The following LRP1B variants were observed in gnomAD, a reference collection of about 807,000 sequenced individuals.
LRP1B encodes the protein low-density lipoprotein receptor-related protein 1B.
A neutral mutation model predicts 556.6 loss-of-function variants in LRP1B; 217 were observed. The observed-to-expected ratio is 0.39, with a 90% CI of 0.35 to 0.44. LRP1B has a LOEUF of 0.44. Ranked by LOEUF, LRP1B falls within the 20% of genes least tolerant of loss-of-function variation. LRP1B has a pLI of 1.00. For missense variants in LRP1B, 5,053 were observed against 5,620.8 expected (o/e 0.90, Z 3.23); for synonymous variants, 2,047 against 1,865.8 (o/e 1.10, Z -2.50).
At chr2:141,145,510 T>A (rs1234405097) in intron 7 of LRP1B, among the ~76,000 whole-genome samples, 1 of 151,406 alleles carries the variant, frequency 6.6e-6, no homozygotes. Context: ...AATACTGTTT[T>A]TCTAAGTTTT....
intron 88 of LRP1B, 123 bp from the exon 89 acceptor site, chr2:140,238,419 A>AT: frequency 1.9e-6 from 1 of 537,034 alleles, no homozygotes; most frequent in Non-Finnish European, 3.1e-6. Flanking sequence ...ACATTTGTCA[A>AT]GTAACAGAGG....
At chr2:140,399,341 A>AT (rs1356284731) in intron 66 of LRP1B, among the ~76,000 whole-genome samples, 1 of 152,038 alleles carries the variant, frequency 6.6e-6, no homozygotes, top group Non-Finnish European at 1.5e-5. Flanking sequence ...ATCTGGCATC[A>AT]TTTTTTCTCT....
chr2:141,685,863 T>A (rs1691275667), intron 2 of LRP1B, among the ~76,000 whole-genome samples: 1 of 151,970 alleles, frequency 6.6e-6, no homozygotes. Flanking sequence ...GTCCATAAAT[T>A]CCTTAGAGAT....
intron 1 of LRP1B, among the ~76,000 whole-genome samples, chr2:142,073,844 G>A (rs1705406328): frequency 6.6e-6 from 1 of 151,800 alleles, no homozygotes; most frequent in East Asian, 2.0e-4. Context: ...TCTTCCTCCT[G>A]CTCCAGCCAC....
chr2:140,683,478 A>T, intron 41 of LRP1B: 1 of 566,366 alleles, frequency 1.8e-6, no homozygotes, highest in Non-Finnish European at 3.4e-6. Context: ...GGCACAGCTG[A>T]CCCAAGGTTT....
At chr2:140,377,942 C>T (rs1010650889) in intron 68 of LRP1B, among the ~76,000 whole-genome samples, 3 of 152,140 alleles carry the variant, frequency 2.0e-5, no homozygotes, top group Non-Finnish European at 2.9e-5. Flanking sequence ...ATTCCTACAA[C>T]GCAGCTATTC....
intron 1 of LRP1B, among the ~76,000 whole-genome samples, chr2:141,872,201 T>C (rs1436029273): frequency 6.6e-6 from 1 of 151,914 alleles, no homozygotes; most frequent in Admixed American, 6.6e-5. Flanking sequence ...GTCACGAAGG[T>C]AAAGAATAAA....
intron 1 of LRP1B, among the ~76,000 whole-genome samples, chr2:142,107,618 CTTTTG>C (rs71301749): frequency 2.0e-5 from 3 of 151,210 alleles, no homozygotes; most frequent in Non-Finnish European, 4.4e-5. Flanking sequence ...AATAATGTGT[CTTTTG>C]TTTTGTTTTG....
intron 43 of LRP1B, among the ~76,000 whole-genome samples, chr2:140,589,692 A>G (rs1682138121): frequency 6.6e-6 from 1 of 152,210 alleles, no homozygotes; most frequent in South Asian, 2.1e-4. Flanking sequence ...TCAGTCCCTA[A>G]AGGAAATGCA....
At chr2:140,830,472 A>G (rs990283454) in intron 31 of LRP1B, among the ~76,000 whole-genome samples, 5 of 152,124 alleles carry the variant, frequency 3.3e-5, no homozygotes, top group Non-Finnish European at 5.9e-5. Flanking sequence ...AATATGATAA[A>G]TCACATTAAC....
chr2:142,079,270 ATTTG>A (rs1163518333), intron 1 of LRP1B, among the ~76,000 whole-genome samples: 2 of 152,090 alleles, frequency 1.3e-5, no homozygotes, highest in South Asian at 2.1e-4. Context: ...TATAATAATT[ATTTG>A]TTTGTGTGTT....
chr2:140,596,633 G>T (rs908339175), intron 43 of LRP1B, among the ~76,000 whole-genome samples: 1 of 152,188 alleles, frequency 6.6e-6, no homozygotes, highest in African/African-American at 2.4e-5. Flanking sequence ...TAATTGCAAG[G>T]CATGAGGAAG....
intron 2 of LRP1B, among the ~76,000 whole-genome samples, chr2:141,756,575 A>T (rs1032140428): frequency 9.3e-5 from 13 of 139,120 alleles, no homozygotes; most frequent in African/African-American, 3.0e-4. Context: ...ACACACACAC[A>T]CACACACAAT....
Position 141,980,343 on chromosome 2 carries a change from C to T in LRP1B, c.82+150305G>A, listed in dbSNP as rs117431021. Among the ~76,000 whole-genome samples, 75 of 152,158 alleles carry T rather than the reference C, an allele frequency of 4.9e-4. No individual in the cohort carries two copies. In the East Asian group the frequency reaches 0.014, roughly 28 times the overall value. ...GTTCCCCAATGCTACAATAAAATGT[C>T]CTAGAAAGGCTTTGCACAATTACGT... On this transcript the variant is annotated intron_variant, in intron 1 of 90. Coordinates refer to ENST00000389484, the MANE Select transcript of LRP1B (RefSeq NM_018557.3).
At chr2:140,382,322 G>C (rs72990626) in intron 67 of LRP1B, among the ~76,000 whole-genome samples, 3 of 152,022 alleles carry the variant, frequency 2.0e-5, no homozygotes, top group African/African-American at 4.8e-5. Context: ...AAAATCCATT[G>C]GATTTTTAGT....
intron 2 of LRP1B, among the ~76,000 whole-genome samples, chr2:141,596,477 C>T (rs1014870599): frequency 4.0e-5 from 6 of 151,838 alleles, no homozygotes; most frequent in Non-Finnish European, 5.9e-5. Context: ...TGTAGGTATG[C>T]GTTAATAATA....
At chr2:141,817,548 T>A (rs557202641) in intron 1 of LRP1B, among the ~76,000 whole-genome samples, 70 of 152,222 alleles carry the variant, frequency 4.6e-4, no homozygotes, top group African/African-American at 1.6e-3. Flanking sequence ...AAAATGTATA[T>A]ATATGAGCTG....
At chr2:141,245,528 A>G (rs28451173) in intron 5 of LRP1B, among the ~76,000 whole-genome samples, 17 of 152,194 alleles carry the variant, frequency 1.1e-4, no homozygotes, top group African/African-American at 3.9e-4. Context: ...TCAATACATC[A>G]TAATTTGAAA....
chr2:141,665,914 C>T (rs143864543), intron 2 of LRP1B, among the ~76,000 whole-genome samples: 36 of 151,914 alleles, frequency 2.4e-4, no homozygotes, highest in Non-Finnish European at 3.4e-4. Flanking sequence ...ACAATGAGAA[C>T]GACACATGGA....
Sources: allele counts gnomAD v4.1 joint callset (sites outside exome capture counted in the v4.1 genomes callset), GRCh38; gene constraint gnomAD v4.1.1; transcripts MANE v1.5; gene names NCBI Gene and HGNC (gene_info 2026-07-23, HGNC 2026-07-21).